The following CEP170B variants were observed in gnomAD, a reference collection of about 807,000 sequenced individuals.
CEP170B encodes centrosomal protein of 170 kDa protein B.
In CEP170B, 55 loss-of-function variants were observed where a neutral mutation model predicts 120.6. The ratio of observed to expected loss-of-function variants is 0.46; its 90% CI spans 0.37 to 0.57. The LOEUF is 0.57. CEP170B is among the 20% of genes least tolerant of loss of function. The pLI, the probability that CEP170B is intolerant of heterozygous loss-of-function variation, is 0.00. For synonymous variants in CEP170B, 1,033 were observed against 954.5 expected (o/e 1.08, Z -1.52); for missense variants, 2,212 against 2,253.3 (o/e 0.98, Z 0.37).
intron 6 of CEP170B, among the ~76,000 whole-genome samples, chr14:104,881,351 G>A (rs118083700): frequency 0.023 from 3,480 of 152,214 alleles, 43 homozygotes; most frequent in Middle Eastern, 0.075. Flanking sequence ...GGGTGTATCC[G>A]GGGATCAGGC....
In CEP170B at chr14:104,893,027, C is replaced by T. The variant is rs745442925; in HGVS notation, c.3930C>T (p.His1310=). ...TGGCCATCCTAGCCCAGGAGATCCA[C>T]GATGTGGCTGGGGACGGTGACACAC... ...KDVAILAQEI[H]DVAGDGDTLG... is the part of the protein sequence containing the mutation. The change falls in exon 14 of 19, where the codon CAC becomes CAT. Residue 1310 remains histidine, a synonymous_variant. Coordinates refer to ENST00000414716, the MANE Select transcript of CEP170B (RefSeq NM_001112726.3). The T allele has an allele frequency of 1.6e-5, 25 of 1,589,162 alleles. No individual in the cohort carries two copies. Among genetic ancestry groups the T allele is most frequent in the South Asian group, 9.2e-5 (8 of 87,062 alleles).
rs114497727 is a variant in CEP170B at position 104,893,319 on chromosome 14, G to A, written c.4038+184G>A. ...CACCGGAGAGCTCGAGGTCTGGGGC[G>A]CTCGTGGCACCTGAGTCAAGCCTGA... On this transcript the variant is annotated intron_variant, in intron 14 of 18. Transcript: ENST00000414716. Among the ~76,000 whole-genome samples, 314 of 152,358 alleles carry A rather than the reference G, an allele frequency of 2.1e-3. 3 individuals carry two copies. Among genetic ancestry groups the A allele is most frequent in the African/African-American group, 7.0e-3 (292 of 41,588 alleles).
Position 104,877,913 on chromosome 14 carries a change from A to G in CEP170B, c.224A>G (p.Asp75Gly). Reference sequence around the variant, plus strand: ...TTTGTGAATGACATGCGCATCCCGGACCAGAAGTACGTCACGCTGAAGCTC... The same window carrying G: ...TTTGTGAATGACATGCGCATCCCGGGCCAGAAGTACGTCACGCTGAAGCTC... ...GTFVNDMRIP[D>G]QKYVTLKLND... Residue 75 changes from aspartate to glycine, a missense_variant, in exon 4 of 19, where the codon GAC (aspartate) becomes GGC (glycine). Transcript: ENST00000414716. 6.6e-7 allele frequency: 1 copy of G among 1,506,150 alleles called. No individual in the cohort carries two copies. The highest frequency in any genetic ancestry group is 8.9e-7 in the Non-Finnish European group (1 of 1,118,070). 93.3% of individuals were successfully genotyped at this position (1,506,150 alleles called of 1,614,324 possible).
In CEP170B at chr14:104,886,526, G is replaced by T. The variant is rs931979780; in HGVS notation, c.2287G>T (p.Val763Leu). 8 of 1,516,692 alleles carry T rather than the reference G, an allele frequency of 5.3e-6. No homozygotes were observed. In the Admixed American group the frequency reaches 1.8e-4, roughly 34 times the overall value. The allele number at this position is 1,516,692 out of a possible 1,614,324, so 94.0% of individuals were successfully genotyped here. ...CGGGGGCCGAGGCCCCGAGCCAGGG[G>T]TGGAGCCACAGGACAGCAGACGCAG... ...SDGGRGPEPG[V>L]EPQDSRRRSP... is the part of the protein sequence containing the mutation. The change falls in exon 12 of 19, where the codon GTG becomes TTG. Residue 763 changes from valine (V) to leucine (L), a missense_variant. By Grantham distance (32) the Val-to-Leu change is conservative. This residue lies in a region of CEP170B where 2,166 missense variants were observed against 2,166.7 expected (regional missense o/e 1.00). Transcript: ENST00000414716.
rs1265326238 is a variant in CEP170B, at chr14:104,883,072, C to A, written c.615C>A (p.Leu205=). 4 of 1,556,830 alleles carry A rather than the reference C, an allele frequency of 2.6e-6. No individual in the cohort carries two copies. In the African/African-American group the frequency reaches 4.1e-5, roughly 16 times the overall value. The change falls in exon 8 of 19, where the codon CTC becomes CTA. Residue 205 remains leucine (L), a synonymous_variant. Coordinates refer to ENST00000414716, the MANE Select transcript of CEP170B (RefSeq NM_001112726.3). ...GACCAGTGCAGCAGGACGGGGAGCTCCACGGCTTCCGCGCCCCTGCTGAGC... is the reference window on the plus strand; with the variant it reads ...GACCAGTGCAGCAGGACGGGGAGCTACACGGCTTCCGCGCCCCTGCTGAGC... ...PKGPVQQDGE[L]HGFRAPAEPQ...
In CEP170B at chr14:104,893,576, C is replaced by T. The variant is rs371477964; in HGVS notation, c.4092C>T (p.Gly1364=). The change falls in exon 15 of 19, where the codon GGC becomes GGT. Residue 1364 remains glycine, a synonymous_variant. Transcript: ENST00000414716. ...ASLNFQKVPP[G]SLNSRDFDQN... ...TCAACTTCCAGAAGGTGCCGCCCGG[C>T]TCGCTGAACTCTCGGGACTTTGACC... 2 of 1,604,490 alleles carry T rather than the reference C, an allele frequency of 1.2e-6. No homozygotes were observed. Among genetic ancestry groups the T allele is most frequent in the Admixed American group, 1.7e-5 (1 of 59,048 alleles).
Position 104,889,659 on chromosome 14 carries a change from G to A in CEP170B, c.3779G>A (p.Arg1260His), listed in dbSNP as rs778035391. ...TPRAGSSSRA[R>H]SRAPGPRDTD... is the part of the protein sequence containing the mutation. The stretch of plus-strand genomic sequence containing the variant: ...AGGGCTGGCAGCTCCAGCCGGGCTC[G>A]TTCCCGGGCCCCCGGCCCCCGGGAC... The change falls in exon 13 of 19, where the codon CGT becomes CAT. Residue 1260 changes from arginine to histidine, a missense_variant. By Grantham distance (29) the Arg-to-His change is conservative (BLOSUM62 0). Transcript: ENST00000414716. 39 of 1,612,054 alleles carry A rather than the reference G, an allele frequency of 2.4e-5. No individual in the cohort carries two copies. The highest frequency in any genetic ancestry group is 1.7e-4 in the Middle Eastern group (1 of 6,060).
Position 104,886,300 on chromosome 14 carries a change from G to T in CEP170B, c.2061G>T (p.Gly687=), listed in dbSNP as rs368711767. The stretch of plus-strand genomic sequence containing the variant: ...AGGATGGCCTGGGACGTAGAGGCGG[G>T]GAGCCGGAGGGGTCCCTGCCTGTGC... ...LTEDGLGRRG[G]EPEGSLPVRM... The change falls in exon 12 of 19, where the codon GGG becomes GGT. Residue 687 remains glycine, a synonymous_variant. Transcript: ENST00000414716. 26 of 1,537,574 alleles carry T rather than the reference G, an allele frequency of 1.7e-5. No individual in the cohort carries two copies. Among genetic ancestry groups the T allele is most frequent in the Admixed American group, 9.7e-5 (5 of 51,668 alleles).
intron 2 of CEP170B, among the ~76,000 whole-genome samples, chr14:104,871,943 G>C (rs552302381): frequency 6.6e-5 from 10 of 152,370 alleles, no homozygotes; most frequent in African/African-American, 2.4e-4. Context: ...GGACCACGCT[G>C]TCCAGGGCCC....
chr14:104,888,721 A>C lies in CEP170B; in HGVS notation c.3739+743A>C, dbSNP rs1352349832. Reference sequence around the variant, plus strand: ...CTACTGCCTTCTGCCCTGTGCACCCACCTACCCACCCACGATCCCAGTGGA... The same window carrying C: ...CTACTGCCTTCTGCCCTGTGCACCCCCCTACCCACCCACGATCCCAGTGGA... On this transcript the variant is annotated intron_variant, in intron 12 of 18. Coordinates refer to ENST00000414716, the MANE Select transcript of CEP170B (RefSeq NM_001112726.3). 2.6e-5 allele frequency among the ~76,000 whole-genome samples: 4 copies of C among 152,102 alleles called. No individual in the cohort carries two copies. In the South Asian group the frequency reaches 8.3e-4, roughly 31 times the overall value.
rs1302151983 is a variant in CEP170B at position 104,886,593 on chromosome 14, C to T, written c.2354C>T (p.Ser785Leu). Residue 785 changes from serine (S) to leucine (L), a missense_variant, in exon 12 of 19, where the codon TCA becomes TTA. Around this residue, in one of 2 missense-constraint regions of CEP170B, gnomAD observed 2,166 missense variants for 2,166.7 expected, o/e 1.00. Transcript: ENST00000414716. ...CCCACGTGGAGCAGGGGTCGGCGCT[C>T]ACCAAGGGCCCCCGGGGAGCCAACT... ...EGPTWSRGRR[S>L]PRAPGEPTPA... 6.6e-7 allele frequency: 1 copy of T among 1,517,016 alleles called. No individual in the cohort carries two copies. Among genetic ancestry groups the T allele is most frequent in the African/African-American group, 1.4e-5 (1 of 71,722 alleles). 94.0% of individuals were successfully genotyped at this position (1,517,016 alleles called of 1,614,324 possible).
Position 104,884,459 on chromosome 14 carries a change from G to A in CEP170B, c.1680G>A (p.Glu560=). ...PQLTKARKQE[E]DDSLSDAGTY... is the part of the protein sequence containing the mutation. ...TGACCAAGGCACGGAAACAGGAGGA[G>A]GACGACAGCCTCAGTGACGCAGGGA... Residue 560 remains glutamate (E), a synonymous_variant, in exon 9 of 19, where the codon GAG becomes GAA. Coordinates refer to ENST00000414716, the MANE Select transcript of CEP170B (RefSeq NM_001112726.3). 6.4e-7 allele frequency: 1 copy of A among 1,558,024 alleles called. No individual in the cohort carries two copies. Among genetic ancestry groups the A allele is most frequent in the Non-Finnish European group, 8.7e-7 (1 of 1,151,112 alleles).
chr14:104,872,228 G>A (rs532856630), intron 2 of CEP170B, among the ~76,000 whole-genome samples: 26 of 142,492 alleles, frequency 1.8e-4, no homozygotes, highest in Non-Finnish European at 3.2e-4. Flanking sequence ...CCATGGGTGT[G>A]CCGTGCGTGT....
chr14:104,884,416 C>T lies in CEP170B; in HGVS notation c.1637C>T (p.Ala546Val). The T allele has an allele frequency of 6.5e-7, 1 of 1,548,350 alleles. No homozygotes were observed. The change falls in exon 9 of 19, where the codon GCC (alanine) becomes GTC (valine). Residue 546 changes from alanine (A) to valine (V), a missense_variant. Transcript: ENST00000414716. ...SPVGPPTPPP[A>V]PTDPQLTKAR... ...GTGGGCCCCCCGACCCCACCGCCCG[C>T]CCCCACGGACCCCCAGCTGACCAAG...
Position 104,883,899 on chromosome 14 carries a change from G to C in CEP170B, c.1120G>C (p.Gly374Arg). 6.3e-7 allele frequency: 1 copy of C among 1,590,260 alleles called. No individual in the cohort carries two copies. Among genetic ancestry groups the C allele is most frequent in the Non-Finnish European group, 8.6e-7 (1 of 1,168,912 alleles). ...DPLAKAASAA[G>R]VPLEASGEQV... ...CCTGGCCAAGGCGGCCTCGGCCGCT[G>C]GGGTGCCCTTGGAGGCCAGCGGGGA... is the stretch of plus-strand genomic sequence containing the variant. Residue 374 changes from glycine to arginine, a missense_variant, in exon 9 of 19, where the codon GGG (glycine) becomes CGG (arginine). By Grantham distance (125) the Gly-to-Arg change is moderately radical. Around this residue, in one of 2 missense-constraint regions of CEP170B, gnomAD observed 2,166 missense variants for 2,166.7 expected, o/e 1.00. Transcript: ENST00000414716.
rs1896314094 is a variant in CEP170B, at chr14:104,884,066, C to T, written c.1287C>T (p.Asp429=). ...CCTTCACGCACAGCCCGTCCGGGGA[C>T]CCCAAGGCCGACAAGCGCCGTGGCC... ...SQSFTHSPSG[D]PKADKRRGPT... is the part of the protein sequence containing the mutation. The change falls in exon 9 of 19, where the codon GAC becomes GAT. Residue 429 remains aspartate (D), a synonymous_variant. Coordinates refer to ENST00000414716, the MANE Select transcript of CEP170B (RefSeq NM_001112726.3). 1 of 1,606,918 alleles carries T rather than the reference C, an allele frequency of 6.2e-7. No individual in the cohort carries two copies. Among genetic ancestry groups the T allele is most frequent in the African/African-American group, 1.3e-5 (1 of 74,834 alleles).
intron 7 of CEP170B, 33 bp downstream of exon 7, chr14:104,882,865 AGG>A: frequency 6.3e-7 from 1 of 1,594,438 alleles, no homozygotes; most frequent in Non-Finnish European, 8.6e-7. Context: ...TGAGACCCTG[AGG>A]GCTCCCAGAG....
At chr14:104,872,371 GCC>G (rs1595312007) in intron 2 of CEP170B, among the ~76,000 whole-genome samples, 1 of 92,954 alleles carries the variant, frequency 1.1e-5, no homozygotes, top group East Asian at 2.5e-4. Flanking sequence ...GCGTGTGTGT[GCC>G]ATGGGTGTGC....
chr14:104,878,108 C>T (rs1895958710), intron 4 of CEP170B, 145 bp downstream of exon 4: 2 of 698,812 alleles, frequency 2.9e-6, no homozygotes, highest in African/African-American at 1.8e-5. Context: ...CTGGGCTCCA[C>T]CTGCTGATGG....
Sources: gnomAD v4.1 joint callset for allele counts (sites outside exome capture counted in the v4.1 genomes callset) on GRCh38, gnomAD v4.1.1 for gene constraint, gnomAD v4.1.1 regional missense constraint, MANE v1.5 for transcripts, NCBI Gene and HGNC (gene_info 2026-07-23, HGNC 2026-07-21) for gene names.